Variants in TMEM117 observed in about 807,000 individuals in gnomAD.
The protein encoded by TMEM117 is transmembrane protein 117.
In TMEM117, 27 loss-of-function variants were observed where a neutral mutation model predicts 52.4. The observed-to-expected ratio is 0.51, with a 90% CI of 0.38 to 0.71. The LOEUF is 0.71. Among genes scored for constraint, TMEM117 ranks in the 30% least tolerant of loss-of-function variants. TMEM117 has a pLI of 0.00. For synonymous variants in TMEM117, 215 were observed against 206.3 expected, an observed-to-expected ratio of 1.04 and a Z score of -0.36; for missense variants, 556 against 630.5, an observed-to-expected ratio of 0.88 and a Z score of 1.26.
At chr12:44,363,573 A>G (rs1394825982) in intron 6 of TMEM117, among the ~76,000 whole-genome samples, 1 of 152,204 alleles carries the variant, frequency 6.6e-6, no homozygotes, top group Non-Finnish European at 1.5e-5. Context: ...ATCATTAATT[A>G]TGATAATTAT....
chr12:44,059,264 A>G (rs1388161003), intron 3 of TMEM117, among the ~76,000 whole-genome samples: 3 of 152,122 alleles, frequency 2.0e-5, no homozygotes, highest in African/African-American at 7.2e-5. Context: ...AAATTAGGAT[A>G]ATGTATAGAT....
intron 5 of TMEM117, among the ~76,000 whole-genome samples, chr12:44,251,422 G>A (rs1565637969): frequency 6.6e-6 from 1 of 152,128 alleles, no homozygotes; most frequent in Non-Finnish European, 1.5e-5. Flanking sequence ...TCGGTTGGAT[G>A]CTTTTTTTAT....
intron 4 of TMEM117, among the ~76,000 whole-genome samples, chr12:44,163,062 T>C (rs779126320): frequency 1.3e-5 from 2 of 152,204 alleles, no homozygotes; most frequent in African/African-American, 2.4e-5. Flanking sequence ...AAATAAGGGA[T>C]TTGCCATTTG....
At chr12:43,968,497 A>G (rs1053721479) in intron 3 of TMEM117, among the ~76,000 whole-genome samples, 2 of 152,206 alleles carry the variant, frequency 1.3e-5, no homozygotes, top group Admixed American at 6.5e-5. Context: ...TTTAAGTTCT[A>G]CTTGTGACAA....
chr12:43,824,842 T>A, the TMEM117 span, among the ~76,000 whole-genome samples: 1 of 152,232 alleles, frequency 6.6e-6, no homozygotes, highest in African/African-American at 2.4e-5. Context: ...GGCAGAATGG[T>A]GTGAACCCGG....
intron 3 of TMEM117, among the ~76,000 whole-genome samples, chr12:44,098,415 T>C (rs1239434139): frequency 6.7e-6 from 1 of 148,604 alleles, no homozygotes; most frequent in Non-Finnish European, 1.5e-5. Context: ...ATCTCACAAA[T>C]GCCCTTTTTT....
intron 3 of TMEM117, among the ~76,000 whole-genome samples, chr12:44,001,063 TC>T (rs1339382950): frequency 6.6e-6 from 1 of 152,158 alleles, no homozygotes; most frequent in Non-Finnish European, 1.5e-5. Context: ...GGTCTTCGAC[TC>T]CTCGAAGGCT....
chr12:44,231,881 A>G (rs1023970618), intron 5 of TMEM117, among the ~76,000 whole-genome samples: 2 of 151,464 alleles, frequency 1.3e-5, no homozygotes, highest in African/African-American at 2.4e-5. Flanking sequence ...TGGTCTTTTT[A>G]CTCTTCTTAT....
intron 3 of TMEM117, among the ~76,000 whole-genome samples, chr12:43,975,484 A>G (rs940724675): frequency 3.3e-5 from 5 of 152,166 alleles, no homozygotes; most frequent in African/African-American, 1.2e-4. Context: ...TTAGGAGGAG[A>G]GACAGACCAC....
At chr12:44,037,194 T>G (rs936211154) in intron 3 of TMEM117, among the ~76,000 whole-genome samples, 6 of 152,172 alleles carry the variant, frequency 3.9e-5, no homozygotes, top group African/African-American at 1.4e-4. Flanking sequence ...CCCTGTGCTC[T>G]TGGGGGCTGG....
At chr12:44,348,506 T>G (rs1951521056) in intron 6 of TMEM117, among the ~76,000 whole-genome samples, 1 of 151,932 alleles carries the variant, frequency 6.6e-6, no homozygotes, top group South Asian at 2.1e-4. Context: ...CAAAACACAT[T>G]CTGATAATAC....
At chr12:44,173,329 G>A (rs145141296) in intron 4 of TMEM117, among the ~76,000 whole-genome samples, 65 of 152,198 alleles carry the variant, frequency 4.3e-4, no homozygotes, top group African/African-American at 1.3e-3. Context: ...CATCCACCTC[G>A]TCCTCCCAAA....
At chr12:44,338,807 T>TAG (rs1297181820) in intron 6 of TMEM117, among the ~76,000 whole-genome samples, 5 of 152,246 alleles carry the variant, frequency 3.3e-5, no homozygotes, top group Non-Finnish European at 7.4e-5. Context: ...GTTTTATCAT[T>TAG]AGAGTTTTTG....
At chr12:44,037,453 C>T (rs561674313) in intron 3 of TMEM117, among the ~76,000 whole-genome samples, 17 of 152,224 alleles carry the variant, frequency 1.1e-4, no homozygotes, top group East Asian at 3.9e-4. Context: ...AGACTCCTGC[C>T]GCCTCGGCCC....
chr12:43,815,820 A>G, the TMEM117 span, among the ~76,000 whole-genome samples: 1 of 152,226 alleles, frequency 6.6e-6, no homozygotes, highest in Non-Finnish European at 1.5e-5. Flanking sequence ...ACCGATGACA[A>G]TGATAAATTG....
chr12:44,115,364 G>T (rs968883062), intron 3 of TMEM117, among the ~76,000 whole-genome samples: 1 of 152,018 alleles, frequency 6.6e-6, no homozygotes, highest in Non-Finnish European at 1.5e-5. Flanking sequence ...TGTAAATGTC[G>T]ACTTAATGGG....
intron 4 of TMEM117, among the ~76,000 whole-genome samples, chr12:44,195,502 TAGG>T (rs1005770425): frequency 3.3e-5 from 5 of 152,098 alleles, no homozygotes; most frequent in African/African-American, 1.2e-4. Context: ...GCAAGAGCCA[TAGG>T]AGGTCATTCT....
intron 6 of TMEM117, among the ~76,000 whole-genome samples, chr12:44,363,068 T>A (rs752822035): frequency 2.0e-5 from 3 of 152,028 alleles, no homozygotes; most frequent in African/African-American, 7.2e-5. Context: ...AAGACAGTAA[T>A]GTAAGGTCAT....
chr12:44,086,786 C>T (rs889389903), intron 3 of TMEM117, among the ~76,000 whole-genome samples: 2 of 152,034 alleles, frequency 1.3e-5, no homozygotes, highest in African/African-American at 4.8e-5. Flanking sequence ...CCATGAAATG[C>T]ATGAGCATAG....
Sources: allele counts gnomAD v4.1 joint callset (sites outside exome capture counted in the v4.1 genomes callset), GRCh38; gene constraint gnomAD v4.1.1; transcripts MANE v1.5; gene names NCBI Gene and HGNC (gene_info 2026-07-23, HGNC 2026-07-21).